The following TIGAR variants were observed in gnomAD, a reference collection of about 807,000 sequenced individuals.
The protein encoded by TIGAR is TP53 induced glycolysis regulatory phosphatase.
TIGAR carries 7 observed loss-of-function variants against 17.9 expected under a neutral mutation model. The observed-to-expected ratio is 0.39, with a 90% CI of 0.22 to 0.73. The LOEUF is 0.73. Ranked by LOEUF, TIGAR falls within the 30% of genes least tolerant of loss-of-function variation. The pLI is 0.42. For synonymous variants in TIGAR, 94 were observed against 108.6 expected, an observed-to-expected ratio of 0.87 and a Z score of 0.84; for missense variants, 258 against 327.4, an observed-to-expected ratio of 0.79 and a Z score of 1.64.
At position 4,351,350 on chromosome 12, in the gene TIGAR, A is replaced by G. The variant is rs754992918; in HGVS notation, c.354A>G (p.Thr118=). Residue 118 remains threonine, a synonymous_variant, in exon 5 of 6, where the codon ACA becomes ACG. Transcript: ENST00000179259. The part of the protein sequence containing the change: ...KAAREECPVF[T]PPGGETLDQV... ...CCAGGGAAGAGTGCCCTGTGTTTAC[A>G]CCGCCCGGAGGAGAGACGCTGGACC... 13 of 1,614,038 alleles carry G rather than the reference A, an allele frequency of 8.1e-6. No individual in the cohort carries two copies. The East Asian group carries it at 2.5e-4, about 30-fold the overall frequency.
intron 4 of TIGAR, 27 bp downstream of exon 4, chr12:4,349,923 T>C (rs754651506): frequency 6.7e-7 from 1 of 1,482,492 alleles, no homozygotes; most frequent in South Asian, 1.3e-5. Context: ...CATATTGTTC[T>C]TCCCCATAAA....
intron 2 of TIGAR, among the ~76,000 whole-genome samples, chr12:4,336,582 G>A (rs1864662292): frequency 6.6e-6 from 1 of 151,768 alleles, no homozygotes; most frequent in Non-Finnish European, 1.5e-5. Flanking sequence ...AGGTTTCAAA[G>A]CATTTTTAAA....
In TIGAR at chr12:4,359,411, GC is replaced by G. The variant is rs1864951450; in HGVS notation, c.*6724del. 6.6e-6 allele frequency among the ~76,000 whole-genome samples: 1 copy of G among 151,872 alleles called. No homozygotes were observed. The highest frequency in any genetic ancestry group is 1.5e-5 in the Non-Finnish European group (1 of 67,992). On this transcript the variant is annotated 3_prime_UTR_variant, in exon 6 of 6. Coordinates refer to ENST00000179259, the MANE Select transcript of TIGAR (RefSeq NM_020375.3). ...TATGCTCCAGACTCATTCTTCCCGA[GC>G]CCCAGCCCCAGAATCAGCTTTTTCT...
At chr12:4,325,435 A>G (rs1189923049) in intron 1 of TIGAR, among the ~76,000 whole-genome samples, 2 of 152,224 alleles carry the variant, frequency 1.3e-5, no homozygotes, top group Non-Finnish European at 2.9e-5. Flanking sequence ...AAGTATAAAG[A>G]TACCTTGTAC....
intron 2 of TIGAR, among the ~76,000 whole-genome samples, chr12:4,333,965 A>AT (rs1343656725): frequency 7.0e-6 from 1 of 142,850 alleles, no homozygotes; most frequent in African/African-American, 2.6e-5. Context: ...ATGTGTTTCG[A>AT]TTTTTTTTCT....
intron 3 of TIGAR, among the ~76,000 whole-genome samples, chr12:4,340,925 CTA>C (rs751076755): frequency 6.6e-4 from 101 of 152,264 alleles, no homozygotes; most frequent in Middle Eastern, 3.4e-3. Flanking sequence ...AGACCTCAAA[CTA>C]TGAAACTACT....
At chr12:4,329,349 T>C (rs1334550366) in intron 1 of TIGAR, among the ~76,000 whole-genome samples, 1 of 144,388 alleles carries the variant, frequency 6.9e-6, no homozygotes, top group African/African-American at 2.6e-5. Flanking sequence ...TTTTTTTTTT[T>C]TTTTTGTGAG....
At chr12:4,324,463 A>AG in intron 1 of TIGAR, 1 of 1,582,934 alleles carries the variant, frequency 6.3e-7, no homozygotes, top group Non-Finnish European at 8.7e-7. Context: ...GAACTCGCCC[A>AG]GGTAGTGACT....
At chr12:4,328,954 T>A (rs564036108) in intron 1 of TIGAR, among the ~76,000 whole-genome samples, 1 of 152,216 alleles carries the variant, frequency 6.6e-6, no homozygotes, top group Non-Finnish European at 1.5e-5. Context: ...TCAAAACAAT[T>A]CTCCGTAGTC....
intron 1 of TIGAR, among the ~76,000 whole-genome samples, chr12:4,325,756 A>AG (rs909153877): frequency 3.3e-5 from 5 of 151,744 alleles, no homozygotes; most frequent in African/African-American, 9.7e-5. Context: ...AAAAAAAAAA[A>AG]AAAGAAAGAC....
chr12:4,341,520 G>C (rs1488405117), intron 3 of TIGAR, among the ~76,000 whole-genome samples: 2 of 152,174 alleles, frequency 1.3e-5, no homozygotes, highest in East Asian at 1.9e-4. Flanking sequence ...TCACACGGCC[G>C]GGTACCCCTC....
intron 3 of TIGAR, among the ~76,000 whole-genome samples, chr12:4,341,502 C>G (rs1423050748): frequency 6.6e-6 from 1 of 152,224 alleles, no homozygotes; most frequent in African/African-American, 2.4e-5. Flanking sequence ...TAGGAGCAGA[C>G]TGACACCTCA....
chr12:4,333,012 A>C (rs928120153), intron 2 of TIGAR, among the ~76,000 whole-genome samples: 1 of 152,162 alleles, frequency 6.6e-6, no homozygotes, highest in Non-Finnish European at 1.5e-5. Flanking sequence ...GACTGAGGTT[A>C]CTTTATTAGG....
chr12:4,324,880 A>G, intron 1 of TIGAR: 1 of 455,392 alleles, frequency 2.2e-6, no homozygotes, highest in Non-Finnish European at 3.9e-6. Flanking sequence ...ATTTTTTGGC[A>G]AACTAAATTT....
At position 4,359,874 on chromosome 12, in the gene TIGAR, A is replaced by G. The variant is rs561919278; in HGVS notation, c.*7183A>G. 6.6e-6 allele frequency among the ~76,000 whole-genome samples: 1 copy of G among 152,228 alleles called. No homozygotes were observed. The highest frequency in any genetic ancestry group is 1.5e-5 in the Non-Finnish European group (1 of 67,990). On this transcript the variant is annotated 3_prime_UTR_variant, in exon 6 of 6. Transcript: ENST00000179259. Reference sequence around the variant, plus strand: ...ATCCTTGCCAACATTTGTTATTATCAGTTTCTAAAATTTTAGCCATTCTGA... The same window carrying G: ...ATCCTTGCCAACATTTGTTATTATCGGTTTCTAAAATTTTAGCCATTCTGA...
chr12:4,322,268 A>G (rs549559960), intron 1 of TIGAR, among the ~76,000 whole-genome samples: 2 of 152,324 alleles, frequency 1.3e-5, no homozygotes, highest in East Asian at 3.9e-4. Context: ...AAGTGTTGGG[A>G]TTACAGGCAT....
intron 2 of TIGAR, 38 bp from the exon 3 acceptor site, chr12:4,337,000 GT>G: frequency 1.3e-6 from 2 of 1,544,968 alleles, no homozygotes; most frequent in Non-Finnish European, 1.8e-6. Flanking sequence ...CTGATATGTA[GT>G]TTTGAATGTT....
In TIGAR at chr12:4,359,074, T is replaced by C. The variant is rs1048280414; in HGVS notation, c.*6383T>C. Among the ~76,000 whole-genome samples, 1 of 149,096 alleles carries C rather than the reference T, an allele frequency of 6.7e-6. No homozygotes were observed. Among genetic ancestry groups the C allele is most frequent in the Non-Finnish European group, 1.5e-5 (1 of 67,576 alleles). ...GGTTCCTCATTAAATTTGCAACTACTCTTTTAGCCTTTATTGTTTATTTTC... is the reference window on the plus strand; with the variant it reads ...GGTTCCTCATTAAATTTGCAACTACCCTTTTAGCCTTTATTGTTTATTTTC... On this transcript the variant is annotated 3_prime_UTR_variant, in exon 6 of 6. Coordinates refer to ENST00000179259, the MANE Select transcript of TIGAR (RefSeq NM_020375.3).
chr12:4,338,263 CA>C (rs1471259808), intron 3 of TIGAR, among the ~76,000 whole-genome samples: 1 of 152,156 alleles, frequency 6.6e-6, no homozygotes, highest in East Asian at 1.9e-4. Context: ...GAAAATGTGG[CA>C]AAATATGTGA....
Sources: gnomAD v4.1 joint callset for allele counts (sites outside exome capture counted in the v4.1 genomes callset) on GRCh38, gnomAD v4.1.1 for gene constraint, MANE v1.5 for transcripts, NCBI Gene and HGNC (gene_info 2026-07-23, HGNC 2026-07-21) for gene names.